KDM4C: variants seen among roughly 807,000 people sequenced by gnomAD.
KDM4C encodes lysine demethylase 4C.
A neutral mutation model predicts 129.3 loss-of-function variants in KDM4C; 81 were observed. The observed-to-expected ratio is 0.63, with a 90% CI of 0.52 to 0.75. The LOEUF is 0.75. KDM4C is among the 30% of genes least tolerant of loss of function. KDM4C has a pLI of 0.00. For missense variants in KDM4C, 1,457 were observed against 1,304.0 expected (o/e 1.12, Z -1.81); for synonymous variants, 573 against 456.1 (o/e 1.26, Z -3.26).
At chr9:6,756,116 T>C (rs1026254023), upstream of KDM4C, among the ~76,000 whole-genome samples, 2 of 152,218 alleles carry the variant, frequency 1.3e-5, no homozygotes, top group African/African-American at 2.4e-5. Flanking sequence ...ATTTCTAATA[T>C]AGCATATGGC....
intron 18 of KDM4C, among the ~76,000 whole-genome samples, chr9:7,117,916 C>G (rs140892530): frequency 1.1e-4 from 17 of 152,274 alleles, no homozygotes; most frequent in Admixed American, 1.1e-3. Flanking sequence ...AATGTGAACT[C>G]TCATCTCTGT....
chr9:6,745,578 CAAAAA>C (rs57251333), intron 1 of KDM4C, among the ~76,000 whole-genome samples: 6 of 106,980 alleles, frequency 5.6e-5, no homozygotes, highest in African/African-American at 3.3e-5. Context: ...GTCCTGTCTC[CAAAAA>C]AAAAAAAAAA....
chr9:6,734,982 C>A, intron 1 of KDM4C: 2 of 567,128 alleles, frequency 3.5e-6, no homozygotes, highest in Non-Finnish European at 3.5e-6. Flanking sequence ...TCCAACCACA[C>A]TCAAGTTGAT....
chr9:7,051,996 C>G (rs954007941), intron 17 of KDM4C, among the ~76,000 whole-genome samples: 1 of 152,130 alleles, frequency 6.6e-6, no homozygotes, highest in South Asian at 2.1e-4. Context: ...CAAAATCACC[C>G]TCATTTAAGA....
chr9:6,870,057 G>C (rs1293371482), intron 5 of KDM4C, among the ~76,000 whole-genome samples: 1 of 152,138 alleles, frequency 6.6e-6, no homozygotes, highest in South Asian at 2.1e-4. Context: ...AGTATGCTTT[G>C]ATTAAAAAGT....
At chr9:7,117,567 T>C (rs972865669) in intron 18 of KDM4C, among the ~76,000 whole-genome samples, 1 of 151,988 alleles carries the variant, frequency 6.6e-6, no homozygotes, top group Non-Finnish European at 1.5e-5. Flanking sequence ...CAACATTGCT[T>C]TGAGTATTTT....
At chr9:7,118,812 G>T (rs1392549145) in intron 18 of KDM4C, among the ~76,000 whole-genome samples, 1 of 152,076 alleles carries the variant, frequency 6.6e-6, no homozygotes, top group Non-Finnish European at 1.5e-5. Context: ...AACCCAGTTG[G>T]GGATTTTCCC....
At chr9:6,992,428 G>C (rs1818923294) in intron 12 of KDM4C, among the ~76,000 whole-genome samples, 1 of 152,202 alleles carries the variant, frequency 6.6e-6, no homozygotes. Flanking sequence ...TTTTGCAACA[G>C]TCTTTCTTTC....
At chr9:7,084,658 T>C (rs1048328155) in intron 17 of KDM4C, among the ~76,000 whole-genome samples, 6 of 152,362 alleles carry the variant, frequency 3.9e-5, no homozygotes, top group African/African-American at 1.4e-4. Context: ...TGAACTGCTC[T>C]GTGGCTCAGT....
chr9:6,899,643 A>G (rs1037410545), intron 8 of KDM4C, among the ~76,000 whole-genome samples: 1 of 152,108 alleles, frequency 6.6e-6, no homozygotes, highest in South Asian at 2.1e-4. Flanking sequence ...GTATTAAGAG[A>G]TATGAAGAAC....
Position 7,021,120 on chromosome 9 carries a change from A to ATGTG in KDM4C, c.2259+5209_2259+5212dup, listed in dbSNP as rs576805327. Among the ~76,000 whole-genome samples the ATGTG allele has an allele frequency of 2.9e-3, 370 of 128,342 alleles. 4 individuals are homozygous for ATGTG. The highest frequency in any genetic ancestry group is 7.3e-3 in the African/African-American group (256 of 35,076). The allele number at this position is 128,342 out of a possible 152,430, so 84.2% of individuals were successfully genotyped here. ...TTGTCATTTGTACATACATATATAT[A>ATGTG]TGTGTGTGTGTGTGTGTGTGTATAT... On this transcript the variant is annotated intron_variant, in intron 15 of 21. Transcript: ENST00000381309.
intron 18 of KDM4C, among the ~76,000 whole-genome samples, chr9:7,124,734 AC>A (rs938485225): frequency 2.6e-5 from 4 of 152,140 alleles, no homozygotes; most frequent in African/African-American, 9.7e-5. Flanking sequence ...TTACATACCT[AC>A]CGACACCTAA....
intron 17 of KDM4C, among the ~76,000 whole-genome samples, chr9:7,075,170 G>T (rs1259101147): frequency 6.6e-6 from 1 of 152,162 alleles, no homozygotes; most frequent in Non-Finnish European, 1.5e-5. Flanking sequence ...GTTTTGTTCA[G>T]CATCCCCCAG....
chr9:6,866,412 G>T (rs4567098), intron 5 of KDM4C, among the ~76,000 whole-genome samples: 2 of 151,990 alleles, frequency 1.3e-5, no homozygotes, highest in Non-Finnish European at 2.9e-5. Context: ...TTTTCCAAAG[G>T]GTGTGAGAGG....
chr9:6,991,514 A>G (rs1044660111), intron 12 of KDM4C, among the ~76,000 whole-genome samples: 18 of 152,158 alleles, frequency 1.2e-4, no homozygotes, highest in African/African-American at 3.9e-4. Context: ...CTGTGTTTAG[A>G]GGATTAATTC....
intron 19 of KDM4C, among the ~76,000 whole-genome samples, chr9:7,155,844 C>A (rs550724895): frequency 6.6e-6 from 1 of 152,296 alleles, no homozygotes; most frequent in African/African-American, 2.4e-5. Flanking sequence ...TTTATAGTAG[C>A]ATGATTTATA....
intron 15 of KDM4C, among the ~76,000 whole-genome samples, chr9:7,022,096 C>T (rs1264343742): frequency 1.3e-5 from 2 of 152,058 alleles, no homozygotes; most frequent in African/African-American, 4.8e-5. Flanking sequence ...TATGATTCTT[C>T]CATTTTGTTC....
At chr9:6,764,327 A>G (rs1820191148) in intron 1 of KDM4C, among the ~76,000 whole-genome samples, 2 of 152,228 alleles carry the variant, frequency 1.3e-5, no homozygotes, top group Admixed American at 6.5e-5. Context: ...TAAGTGCTAA[A>G]TAACTCTTTT....
intron 8 of KDM4C, 101 bp from the exon 9 acceptor site, chr9:6,980,824 G>T: frequency 3.1e-6 from 3 of 965,098 alleles, no homozygotes; most frequent in Non-Finnish European, 4.8e-6. Context: ...CCTCCATTAT[G>T]TAGTGACTAA....
Sources: gnomAD v4.1 joint callset for allele counts (sites outside exome capture counted in the v4.1 genomes callset) on GRCh38, gnomAD v4.1.1 for gene constraint, MANE v1.5 for transcripts, NCBI Gene and HGNC (gene_info 2026-07-23, HGNC 2026-07-21) for gene names.